LRCH1: variants seen among roughly 807,000 people sequenced by gnomAD.
LRCH1 encodes the protein leucine rich repeats and calponin homology domain containing 1.
A neutral mutation model predicts 94.9 loss-of-function variants in LRCH1; 23 were observed. The ratio of observed to expected loss-of-function variants is 0.24; its 90% CI spans 0.17 to 0.34. LRCH1 has a LOEUF of 0.34. Among genes scored for constraint, LRCH1 ranks in the 10% least tolerant of loss-of-function variants. LRCH1 has a pLI of 1.00. For synonymous variants in LRCH1, 364 were observed against 354.9 expected, an observed-to-expected ratio of 1.03 and a Z score of -0.29; for missense variants, 790 against 945.9, an observed-to-expected ratio of 0.84 and a Z score of 2.16.
In LRCH1 at chr13:46,553,350, AC is replaced by A. The variant is rs755226994; in HGVS notation, c.-40del. 1.1e-4 allele frequency: 160 copies of A among 1,436,370 alleles called. 1 individual carries two copies. The highest frequency in any genetic ancestry group is 4.3e-4 in the Admixed American group (20 of 46,266). 89.0% of individuals were successfully genotyped at this position (1,436,370 alleles called of 1,614,324 possible). On this transcript the variant is annotated 5_prime_UTR_variant, in exon 1 of 20. Coordinates refer to ENST00000389797, the MANE Select transcript of LRCH1 (RefSeq NM_001164211.2). ...TTTTCCCCTCGCGGGGAACGCTGTGACCCCCCCGCAGGAGCGGCGGGGCGGG... is the reference window on the plus strand; with the variant it reads ...TTTTCCCCTCGCGGGGAACGCTGTGACCCCCCGCAGGAGCGGCGGGGCGGG...
intron 1 of LRCH1, among the ~76,000 whole-genome samples, chr13:46,624,871 G>C (rs2050925898): frequency 1.3e-5 from 2 of 152,294 alleles, no homozygotes; most frequent in Non-Finnish European, 1.5e-5. Context: ...ACATTTACTT[G>C]TGGAGTGAAA....
chr13:46,587,061 A>G (rs1388564296), intron 1 of LRCH1, among the ~76,000 whole-genome samples: 1 of 152,212 alleles, frequency 6.6e-6, no homozygotes, highest in Non-Finnish European at 1.5e-5. Flanking sequence ...CAACTAGCTC[A>G]TGACAAATAC....
chr13:46,746,355 C>T (rs1418021332), downstream of LRCH1, among the ~76,000 whole-genome samples: 1 of 152,140 alleles, frequency 6.6e-6, no homozygotes. Flanking sequence ...TATGGCTTGC[C>T]GTCTTTTCCA....
At chr13:46,603,473 CTA>C (rs1471964989) in intron 1 of LRCH1, among the ~76,000 whole-genome samples, 3 of 152,246 alleles carry the variant, frequency 2.0e-5, no homozygotes, top group African/African-American at 4.8e-5. Context: ...GGGAGGATTC[CTA>C]TGTGTCACTA....
At position 46,553,671 on chromosome 13, in the gene LRCH1, C is replaced by A; in HGVS notation, c.275C>A (p.Pro92His). The change falls in exon 1 of 20, where the codon CCC (proline) becomes CAC (histidine). Residue 92 changes from proline to histidine, a missense_variant. Coordinates refer to ENST00000389797, the MANE Select transcript of LRCH1 (RefSeq NM_001164211.2). ...AAGGAATTTCCCCGTACCGCAGCCCCCGGGCACGACCTCTCGGACACGGTG... is the reference window on the plus strand; with the variant it reads ...AAGGAATTTCCCCGTACCGCAGCCCACGGGCACGACCTCTCGGACACGGTG... ...KLKEFPRTAA[P>H]GHDLSDTVQA... 1 of 1,609,976 alleles carries A rather than the reference C, an allele frequency of 6.2e-7. No homozygotes were observed. Among genetic ancestry groups the A allele is most frequent in the East Asian group, 2.2e-5 (1 of 44,756 alleles).
intron 1 of LRCH1, among the ~76,000 whole-genome samples, chr13:46,599,739 A>G (rs1277779566): frequency 5.9e-5 from 9 of 152,244 alleles, no homozygotes. Context: ...AACAAATAAT[A>G]TAGAATCAAT....
chr13:46,723,410 C>A, intron 17 of LRCH1, 80 bp downstream of exon 17: 1 of 1,070,026 alleles, frequency 9.3e-7, no homozygotes, highest in Non-Finnish European at 1.4e-6. Context: ...TGAAACATTG[C>A]AAGCAGTCCT....
rs1446717266 is a variant in LRCH1, at chr13:46,743,450, T to C, written c.*1602T>C. ...GTGGAAGTTATCTAATTAACCTCAG[T>C]TGTATATGAATAACCCACAGATGTA... On this transcript the variant is annotated 3_prime_UTR_variant, in exon 20 of 20. Coordinates refer to ENST00000389797, the MANE Select transcript of LRCH1 (RefSeq NM_001164211.2). 1.0e-6 allele frequency: 1 copy of C among 985,750 alleles called. No homozygotes were observed. Among genetic ancestry groups the C allele is most frequent in the Non-Finnish European group, 1.2e-6 (1 of 829,944 alleles). The allele number at this position is 985,750 out of a possible 1,614,324, so 61.1% of individuals were successfully genotyped here. A position where few individuals can be genotyped will look rare whatever the true frequency, so the allele number is the denominator to read the frequency against.
At chr13:46,595,271 T>C (rs1329604070) in intron 1 of LRCH1, among the ~76,000 whole-genome samples, 1 of 152,152 alleles carries the variant, frequency 6.6e-6, no homozygotes, top group Admixed American at 6.6e-5. Flanking sequence ...AGGTGCCAAG[T>C]GTTAGAAGAA....
chr13:46,564,030 GA>G (rs2050156576), intron 1 of LRCH1, among the ~76,000 whole-genome samples: 1 of 152,178 alleles, frequency 6.6e-6, no homozygotes, highest in African/African-American at 2.4e-5. Flanking sequence ...AAAATGGTGT[GA>G]AACCTTTAAT....
At position 46,553,334 on chromosome 13, in the gene LRCH1, C is replaced by T. The variant is rs957535778; in HGVS notation, c.-63C>T. The T allele has an allele frequency of 1.4e-6, 2 of 1,380,366 alleles. No individual in the cohort carries two copies. The highest frequency in any genetic ancestry group is 2.9e-5 in the African/African-American group (2 of 69,164). The allele number at this position is 1,380,366 out of a possible 1,614,324, so 85.5% of individuals were successfully genotyped here. A position where few individuals can be genotyped will look rare whatever the true frequency, so the allele number is the denominator to read the frequency against. On this transcript the variant is annotated 5_prime_UTR_variant, in exon 1 of 20. Coordinates refer to ENST00000389797, the MANE Select transcript of LRCH1 (RefSeq NM_001164211.2). ...TCAGCCCGAGCTGCCGTTTTCCCCT[C>T]GCGGGGAACGCTGTGACCCCCCCGC...
intron 1 of LRCH1, among the ~76,000 whole-genome samples, chr13:46,581,259 A>G (rs1361033006): frequency 6.6e-6 from 1 of 152,074 alleles, no homozygotes; most frequent in Non-Finnish European, 1.5e-5. Flanking sequence ...CCTCTGCCTC[A>G]CCTCAGCCCC....
intron 16 of LRCH1, among the ~76,000 whole-genome samples, chr13:46,718,864 T>C (rs368876615): frequency 8.5e-5 from 13 of 152,190 alleles, no homozygotes; most frequent in East Asian, 3.8e-4. Flanking sequence ...AGAGAAGAAA[T>C]CTCCTCTCAT....
intron 1 of LRCH1, among the ~76,000 whole-genome samples, chr13:46,575,782 T>TTCTC (rs920128986): frequency 6.6e-6 from 1 of 152,186 alleles, no homozygotes; most frequent in African/African-American, 2.4e-5. Flanking sequence ...CATGTTTTCT[T>TTCTC]TCTCTCTCTC....
At chr13:46,581,102 C>CAGTCCCTGT in intron 1 of LRCH1, among the ~76,000 whole-genome samples, 1 of 152,172 alleles carries the variant, frequency 6.6e-6, no homozygotes, top group South Asian at 2.1e-4. Context: ...AGGTAAAACA[C>CAGTCCCTGT]AGTCCCTGTG....
In LRCH1 at chr13:46,659,747, A is replaced by G. The variant is rs184608697; in HGVS notation, c.453-9283A>G. On this transcript the variant is annotated intron_variant, in intron 2 of 19. Transcript: ENST00000389797. Reference sequence around the variant, plus strand: ...AGGGCAGTTCATTTACTTTTGTTCAATCAATAATTTGAATGGGTGATCTTC... The same window carrying G: ...AGGGCAGTTCATTTACTTTTGTTCAGTCAATAATTTGAATGGGTGATCTTC... Among the ~76,000 whole-genome samples, 413 of 152,210 alleles carry G rather than the reference A, an allele frequency of 2.7e-3. 3 individuals are homozygous for G. Among genetic ancestry groups the G allele is most frequent in the African/African-American group, 9.3e-3 (384 of 41,510 alleles).
intron 18 of LRCH1, among the ~76,000 whole-genome samples, chr13:46,730,632 C>A (rs1165366788): frequency 6.6e-6 from 1 of 152,158 alleles, no homozygotes; most frequent in Admixed American, 6.5e-5. Flanking sequence ...GACAAAAAGA[C>A]CAATTTGTCT....
chr13:46,705,240 C>CT (rs11483731), intron 12 of LRCH1, 28 bp from the exon 13 acceptor site: 1,080,629 of 1,509,374 alleles, frequency 0.72, 379,209 homozygotes, highest in African/African-American at 0.82. Context: ...CACTTTGTAT[C>CT]TTTTTTTTTC....
intron 2 of LRCH1, among the ~76,000 whole-genome samples, chr13:46,659,453 A>G (rs1246127846): frequency 1.3e-5 from 2 of 152,162 alleles, no homozygotes; most frequent in Non-Finnish European, 2.9e-5. Context: ...TCAGTCTCCC[A>G]AAGTGCTAGG....
Sources: allele counts gnomAD v4.1 joint callset (sites outside exome capture counted in the v4.1 genomes callset), GRCh38; gene constraint gnomAD v4.1.1; transcripts MANE v1.5; gene names NCBI Gene and HGNC (gene_info 2026-07-23, HGNC 2026-07-21).